The following TSN variants were observed in gnomAD, a reference collection of about 807,000 sequenced individuals.
TSN encodes translin.
Under a neutral mutation model 29.4 loss-of-function variants are expected in TSN, and 5 were observed. The observed-to-expected ratio is 0.17, with a 90% CI of 0.09 to 0.36. The LOEUF is 0.36. Among genes scored for constraint, TSN ranks in the 10% least tolerant of loss-of-function variants. The probability of loss-of-function intolerance (pLI) is 1.00; values close to 1 mark genes in which losing one functional copy is unlikely to be tolerated. For missense variants in TSN, 159 were observed against 272.8 expected (o/e 0.58, Z 2.94); for synonymous variants, 106 against 102.2 (o/e 1.04, Z -0.23).
chr2:121,764,410 G>T (rs2074875440), intron 5 of TSN, among the ~76,000 whole-genome samples: 1 of 151,932 alleles, frequency 6.6e-6, no homozygotes, highest in Non-Finnish European at 1.5e-5. Flanking sequence ...TTCCACACCA[G>T]CCTAAGCAAC....
At position 121,758,011 on chromosome 2, in the gene TSN, C is replaced by G. The variant is rs1207418462; in HGVS notation, c.160+678C>G. On this transcript the variant is annotated intron_variant, in intron 2 of 5. Coordinates refer to ENST00000389682, the MANE Select transcript of TSN (RefSeq NM_004622.3). ...GTGTTATCTAGTGACTTTTATTTGG[C>G]CCTTTGTGTGTGTGTGTGTGTATGT... Among the ~76,000 whole-genome samples the G allele has an allele frequency of 2.0e-5, 3 of 151,574 alleles. 1 individual carries two copies. Among genetic ancestry groups the G allele is most frequent in the African/African-American group, 7.3e-5 (3 of 41,212 alleles).
At chr2:121,761,636 A>C in intron 4 of TSN, 112 bp downstream of exon 4, 2 of 804,660 alleles carry the variant, frequency 2.5e-6, no homozygotes, top group Non-Finnish European at 4.2e-6. Flanking sequence ...ACTAAAAACC[A>C]CTTATAGTTG....
intron 3 of TSN, among the ~76,000 whole-genome samples, chr2:121,760,187 T>A (rs2074804067): frequency 6.6e-6 from 1 of 152,246 alleles, no homozygotes; most frequent in African/African-American, 2.4e-5. Flanking sequence ...GGTGGCAGCA[T>A]TCGATTCTCA....
intron 1 of TSN, 61 bp downstream of exon 1, chr2:121,755,906 C>T (rs2074739026): frequency 3.7e-6 from 6 of 1,608,624 alleles, no homozygotes; most frequent in East Asian, 2.2e-5. Context: ...CCACTTCGCC[C>T]GGCCCTCCTC....
intron 2 of TSN, 108 bp downstream of exon 2, chr2:121,757,441 A>C: frequency 6.4e-7 from 1 of 1,562,020 alleles, no homozygotes; most frequent in Non-Finnish European, 8.7e-7. Flanking sequence ...TATGGTGAGT[A>C]AAAATTGAAG....
At chr2:121,764,222 G>A (rs952346461) in intron 5 of TSN, among the ~76,000 whole-genome samples, 1 of 152,172 alleles carries the variant, frequency 6.6e-6, no homozygotes, top group Non-Finnish European at 1.5e-5. Flanking sequence ...CTTGTAGGCT[G>A]TACCACTTGT....
chr2:121,757,208 A>G (rs371018533), intron 1 of TSN, 32 bp from the exon 2 acceptor site: 1 of 1,586,210 alleles, frequency 6.3e-7, no homozygotes, highest in African/African-American at 1.3e-5. Context: ...GATTCTGTTG[A>G]GTATCTGATT....
chr2:121,757,473 T>C (rs930991351), intron 2 of TSN, 140 bp downstream of exon 2: 4 of 1,520,294 alleles, frequency 2.6e-6, no homozygotes, highest in Non-Finnish European at 3.5e-6. Context: ...TTGATAATTT[T>C]GGTTGATTTT....
intron 2 of TSN, among the ~76,000 whole-genome samples, chr2:121,757,968 A>G (rs1484336220): frequency 6.6e-6 from 1 of 151,754 alleles, no homozygotes; most frequent in African/African-American, 2.4e-5. Flanking sequence ...ACCTGGCCCA[A>G]GGGTTTGTAA....
intron 2 of TSN, among the ~76,000 whole-genome samples, chr2:121,758,269 T>C (rs996805261): frequency 6.6e-6 from 1 of 152,182 alleles, no homozygotes; most frequent in Admixed American, 6.6e-5. Context: ...GATATAATAA[T>C]GCATTTACAC....
rs957388310 is a variant in TSN, at chr2:121,757,251, A to G, written c.78A>G (p.Lys26=). Residue 26 remains lysine, a synonymous_variant, in exon 2 of 6, where the codon AAA becomes AAG. Coordinates refer to ENST00000389682, the MANE Select transcript of TSN (RefSeq NM_004622.3). ...AEQDIREEIR[K]VVQSLEQTAR... is the part of the protein sequence containing the mutation. ...TTAATTCTCTCTAGGAAATCAGAAA[A>G]GTTGTACAGAGTTTAGAACAAACAG... 1.9e-6 allele frequency: 3 copies of G among 1,613,678 alleles called. No individual in the cohort carries two copies. Among genetic ancestry groups the G allele is most frequent in the African/African-American group, 2.7e-5 (2 of 74,926 alleles).
intron 3 of TSN, 110 bp downstream of exon 3, chr2:121,758,916 CAAAA>C: frequency 1.5e-6 from 1 of 673,806 alleles, no homozygotes; most frequent in Non-Finnish European, 2.2e-6. Context: ...GTAGAAGTAA[CAAAA>C]AGAGAAAAAA....
Position 121,761,404 on chromosome 2 carries a change from T to G in TSN, c.258-5T>G, listed in dbSNP as rs754653941. On this transcript the variant is annotated splice_region_variant and splice_polypyrimidine_tract_variant and intron_variant, in intron 3 of 5. Coordinates refer to ENST00000389682, the MANE Select transcript of TSN (RefSeq NM_004622.3). ...TGGAGGCTAAATGTGCTTATTTTCA[T>G]GCAGATTTCATGAGCACTGGAGGTT... 1 of 1,611,562 alleles carries G rather than the reference T, an allele frequency of 6.2e-7. No homozygotes were observed. The highest frequency in any genetic ancestry group is 1.1e-5 in the South Asian group (1 of 91,034).
chr2:121,756,060 A>T (rs1453026103), intron 1 of TSN: 1 of 1,003,356 alleles, frequency 1.0e-6, no homozygotes, highest in Non-Finnish European at 1.4e-6. Context: ...TCTCAGCATC[A>T]CTTGCCTCGT....
intron 2 of TSN, among the ~76,000 whole-genome samples, 184 bp from the exon 3 acceptor site, chr2:121,758,526 G>A (rs989359519): frequency 3.3e-5 from 5 of 152,198 alleles, no homozygotes; most frequent in Admixed American, 2.0e-4. Context: ...TTATTTTTCA[G>A]TATAGCTAAT....
intron 5 of TSN, among the ~76,000 whole-genome samples, chr2:121,764,805 T>C (rs1190469752): frequency 6.6e-6 from 1 of 152,216 alleles, no homozygotes; most frequent in Non-Finnish European, 1.5e-5. Flanking sequence ...GCTGCTGTGA[T>C]TATTTTGTCG....
At chr2:121,757,133 A>G (rs779261554) in intron 1 of TSN, 107 bp from the exon 2 acceptor site, 3 of 1,041,170 alleles carry the variant, frequency 2.9e-6, no homozygotes, top group Non-Finnish European at 4.2e-6. Context: ...AAAAGTCAGG[A>G]TTCAAACTTG....
intron 1 of TSN, chr2:121,756,546 G>T: frequency 1.1e-6 from 1 of 895,666 alleles, no homozygotes; most frequent in Non-Finnish European, 1.6e-6. Context: ...GGAAGGGATT[G>T]TGTGCTTGGT....
At chr2:121,762,669 TTG>T (rs1054156878) in intron 4 of TSN, among the ~76,000 whole-genome samples, 1 of 151,744 alleles carries the variant, frequency 6.6e-6, no homozygotes, top group Non-Finnish European at 1.5e-5. Context: ...TCTTCTCATT[TTG>T]TGTGTGTCTT....
Sources: allele counts gnomAD v4.1 joint callset (sites outside exome capture counted in the v4.1 genomes callset), GRCh38; gene constraint gnomAD v4.1.1; transcripts MANE v1.5; gene names NCBI Gene and HGNC (gene_info 2026-07-23, HGNC 2026-07-21).